The following PCDHGA1 variants were observed in gnomAD, a reference collection of about 807,000 sequenced individuals.
PCDHGA1 encodes the protein protocadherin gamma-A1.
A neutral mutation model predicts 58.0 loss-of-function variants in PCDHGA1; 32 were observed. The observed-to-expected ratio is 0.55, with a 90% CI of 0.42 to 0.74. PCDHGA1 has a LOEUF of 0.74. Ranked by LOEUF, PCDHGA1 falls within the 30% of genes least tolerant of loss-of-function variation. PCDHGA1 has a pLI of 0.00. For missense variants in PCDHGA1, 1,205 were observed against 1,182.3 expected, an observed-to-expected ratio of 1.02 and a Z score of -0.28; for synonymous variants, 498 against 501.1, an observed-to-expected ratio of 0.99 and a Z score of 0.08.
intron 1 of PCDHGA1, chr5:141,352,798 T>G: frequency 1.1e-6 from 1 of 928,716 alleles, no homozygotes; most frequent in Non-Finnish European, 1.6e-6. Flanking sequence ...GAGACCAGCA[T>G]AGCCAAGATG....
chr5:141,479,329 G>A (rs2099493017), intron 1 of PCDHGA1: 1 of 152,490 alleles, frequency 6.6e-6, no homozygotes, highest in African/African-American at 2.4e-5. Context: ...AGACTCAGTG[G>A]TGTGCACCTG....
intron 1 of PCDHGA1, chr5:141,427,746 T>A: frequency 7.9e-7 from 1 of 1,272,038 alleles, no homozygotes; most frequent in African/African-American, 1.5e-5. Flanking sequence ...AGTCTCCTAC[T>A]CCATCGTTAC....
rs370503146 is a variant in PCDHGA1 at position 141,511,012 on chromosome 5, G to A, written c.2635G>A (p.Gly879Arg). 11 of 1,614,060 alleles carry A rather than the reference G, an allele frequency of 6.8e-6. No individual in the cohort carries two copies. Among genetic ancestry groups the A allele is most frequent in the Middle Eastern group, 1.6e-4 (1 of 6,084 alleles). ...AGTMGLSARYGPQFTLQHVPD... is the reference protein window; with the variant it reads ...AGTMGLSARYRPQFTLQHVPD... The stretch of plus-strand genomic sequence containing the variant: ...CACCATGGGATTGAGCGCCCGCTAC[G>A]GACCCCAGTTCACCCTGCAGCACGT... The change falls in exon 4 of 4, where the codon GGA (glycine) becomes AGA (arginine). Residue 879 changes from glycine (G) to arginine (R), a missense_variant. Transcript: ENST00000517417.
At chr5:141,419,472 G>T in intron 1 of PCDHGA1, 1 of 1,612,328 alleles carries the variant, frequency 6.2e-7, no homozygotes, top group South Asian at 1.1e-5. Flanking sequence ...CGCGACCAGG[G>T]CTCGCCCGCG....
chr5:141,428,040 G>T, intron 1 of PCDHGA1: 1 of 1,608,668 alleles, frequency 6.2e-7, no homozygotes, highest in Non-Finnish European at 8.5e-7. Flanking sequence ...CGGCTACCTG[G>T]TGACCAAGGT....
chr5:141,401,211 G>A (rs1180713351), intron 1 of PCDHGA1, among the ~76,000 whole-genome samples: 5 of 151,994 alleles, frequency 3.3e-5, no homozygotes, highest in South Asian at 2.1e-4. Context: ...GTGTGGTGGC[G>A]GGCGCCTGTA....
At chr5:141,446,128 G>T (rs1242643475) in intron 1 of PCDHGA1, among the ~76,000 whole-genome samples, 1 of 152,188 alleles carries the variant, frequency 6.6e-6, no homozygotes, top group Admixed American at 6.5e-5. Context: ...GGTTCAATAA[G>T]ACTTAATAAT....
In PCDHGA1 at chr5:141,502,866, C is replaced by CTTTTTTTTTTTTTTTTT. The variant is rs549047197; in HGVS notation, c.2481-2513_2481-2512insTTTTTTTTTTTTTTTTT. Among the ~76,000 whole-genome samples the CTTTTTTTTTTTTTTTTT allele has an allele frequency of 3.1e-5, 4 of 128,046 alleles. 1 individual carries two copies. 84.0% of individuals were successfully genotyped at this position (128,046 alleles called of 152,430 possible). A position where few individuals can be genotyped will look rare whatever the true frequency, so the allele number is the denominator to read the frequency against. ...GAGCTGCCTAACCCTGACTCTCTGTCTTTTTTTTTTTTTTGACAGGGAGTC... is the reference window on the plus strand; with the variant it reads ...GAGCTGCCTAACCCTGACTCTCTGTCTTTTTTTTTTTTTTTTTTTTTTTTTTTTTTTGACAGGGAGTC... On this transcript the variant is annotated intron_variant, in intron 2 of 3. Transcript: ENST00000517417.
At position 141,476,752 on chromosome 5, in the gene PCDHGA1, A is replaced by C. The variant is rs771355583; in HGVS notation, c.2422-18055A>C. The C allele has an allele frequency of 6.2e-7, 1 of 1,613,926 alleles. No homozygotes were observed. The highest frequency in any genetic ancestry group is 1.1e-5 in the South Asian group (1 of 91,080). Reference sequence around the variant, plus strand: ...GAGAACGGGAGCCTAGTCTCCAGTTAGTGCTGACGGCGTTGGACGGAGGGA... The same window carrying C: ...GAGAACGGGAGCCTAGTCTCCAGTTCGTGCTGACGGCGTTGGACGGAGGGA... On this transcript the variant is annotated intron_variant, in intron 1 of 3. Transcript: ENST00000517417. The surrounding 1 kb of genome is among the most constrained non-coding windows in gnomAD (Gnocchi z 7.6).
intron 1 of PCDHGA1, chr5:141,340,533 A>G (rs774636194): frequency 6.2e-7 from 1 of 1,614,204 alleles, no homozygotes; most frequent in South Asian, 1.1e-5. Context: ...CGCTCCTTTG[A>G]TTATGAGCAG....
intron 1 of PCDHGA1, among the ~76,000 whole-genome samples, chr5:141,462,650 TC>T (rs1254671361): frequency 7.3e-6 from 1 of 137,262 alleles, no homozygotes; most frequent in African/African-American, 3.0e-5. Context: ...ATTTCCATCC[TC>T]AATTATCTTC....
At chr5:141,366,854 C>T (rs1018356495) in intron 1 of PCDHGA1, 3 of 1,453,352 alleles carry the variant, frequency 2.1e-6, no homozygotes, top group Non-Finnish European at 2.8e-6. Flanking sequence ...AATAGTGGAA[C>T]ATTATTTGCT....
At chr5:141,410,254 C>G in intron 1 of PCDHGA1, 1 of 1,614,020 alleles carries the variant, frequency 6.2e-7, no homozygotes, top group Non-Finnish European at 8.5e-7. Flanking sequence ...TCTCTGACCC[C>G]CAGGCTGAAC....
intron 1 of PCDHGA1, chr5:141,376,482 C>T (rs768933228): frequency 4.3e-6 from 7 of 1,614,148 alleles, no homozygotes; most frequent in South Asian, 1.1e-5. Context: ...TTACTTGAAA[C>T]GAAAGGAGAA....
intron 1 of PCDHGA1, chr5:141,361,493 AAC>A: frequency 6.2e-7 from 1 of 1,614,036 alleles, no homozygotes; most frequent in Non-Finnish European, 8.5e-7. Flanking sequence ...CCAGTTTTCC[AAC>A]AGACTTCCTA....
intron 1 of PCDHGA1, chr5:141,428,275 G>A (rs566455986): frequency 6.5e-6 from 5 of 767,218 alleles, no homozygotes; most frequent in African/African-American, 3.4e-5. Context: ...TGTGCCCTCT[G>A]ATTCCCAAGC....
chr5:141,375,770 C>T, intron 1 of PCDHGA1: 1 of 1,614,268 alleles, frequency 6.2e-7, no homozygotes, highest in East Asian at 2.2e-5. Flanking sequence ...GCCCGAGATC[C>T]TGTACCCCGC....
intron 1 of PCDHGA1, chr5:141,441,795 C>T (rs569465359): frequency 2.6e-6 from 1 of 387,758 alleles, no homozygotes; most frequent in Non-Finnish European, 5.1e-6. Flanking sequence ...TGACAACGCA[C>T]CGCGGGTGCT....
At chr5:141,410,440 G>C in intron 1 of PCDHGA1, 1 of 1,614,036 alleles carries the variant, frequency 6.2e-7, no homozygotes, top group Non-Finnish European at 8.5e-7. Context: ...ACAGTGAGGG[G>C]ACTTTGCCTT....
Sources: allele counts gnomAD v4.1 joint callset (sites outside exome capture counted in the v4.1 genomes callset), GRCh38; gene constraint gnomAD v4.1.1; non-coding constraint Gnocchi (gnomAD v3.1); transcripts MANE v1.5; gene names NCBI Gene and HGNC (gene_info 2026-07-23, HGNC 2026-07-21).